Variants in KANTR observed in about 807,000 individuals in gnomAD.
The protein encoded by KANTR is KDM5C adjacent transcript.
downstream of KANTR, among the ~76,000 whole-genome samples, chrX:53,129,235 T>TGTGTGTGTGTG (rs1933330092): frequency 2.6e-4 from 22 of 83,360 alleles, no homozygotes; most frequent in East Asian, 5.0e-3. Flanking sequence ...GCCTGGCTAT[T>TGTGTGTGTGTG]TGTGTGTGTG....
intron 2 of KANTR, among the ~76,000 whole-genome samples, chrX:53,112,691 A>G (rs1556813972): frequency 9.1e-6 from 1 of 110,237 alleles, no homozygotes; most frequent in African/African-American, 3.3e-5. Context: ...TGACAGTTTG[A>G]TTCTATGTTT....
At position 53,116,824 on chromosome X, in the gene KANTR, C is replaced by T. The variant is rs191056305; in HGVS notation, c.-804-6645C>T. Reference sequence around the variant, plus strand: ...GCCATTCCATCTATCTACTATTACTCCTGTCTTTGAAAAAAACTTTAAATC... The same window carrying T: ...GCCATTCCATCTATCTACTATTACTTCTGTCTTTGAAAAAAACTTTAAATC... On this transcript the variant is annotated intron_variant, in intron 2 of 2. Coordinates refer to ENST00000604062, the Ensembl canonical transcript of KANTR. Among the ~76,000 whole-genome samples, 628 of 111,641 alleles carry T rather than the reference C, an allele frequency of 5.6e-3. 2 individuals carry two copies. The highest frequency in any genetic ancestry group is 9.6e-3 in the Non-Finnish European group (509 of 53,137).
At position 53,108,861 on chromosome X, in the gene KANTR, C is replaced by T. The variant is rs1350193441; in HGVS notation, c.-805+9253C>T. 4.5e-5 allele frequency among the ~76,000 whole-genome samples: 5 copies of T among 111,179 alleles called. No homozygotes were observed. In the Admixed American group the frequency reaches 4.8e-4, roughly 11 times the overall value. On this transcript the variant is annotated intron_variant, in intron 2 of 2. Transcript: ENST00000604062. ...GACTACAGGTGCACACCACCACACC[C>T]AGCTGATTTTTAATTTTTTTGTGGA... is the stretch of plus-strand genomic sequence containing the variant.
chrX:53,130,689 A>G (rs782274715), downstream of KANTR, among the ~76,000 whole-genome samples: 1 of 112,171 alleles, frequency 8.9e-6, no homozygotes, highest in Admixed American at 9.5e-5. Flanking sequence ...TGTTACTACC[A>G]TTATTACTTT....
chrX:53,135,019 C>A (rs995466515), intron 2 of KANTR, among the ~76,000 whole-genome samples: 2 of 111,815 alleles, frequency 1.8e-5, no homozygotes, highest in Admixed American at 1.9e-4. Context: ...TTGAAAGCTC[C>A]TTCAAAAGTT....
intron 2 of KANTR, among the ~76,000 whole-genome samples, chrX:53,100,503 A>G (rs952791722): frequency 3.4e-5 from 3 of 87,827 alleles, no homozygotes; most frequent in Admixed American, 1.3e-4. Flanking sequence ...GAAAAGAAAA[A>G]AAAGAAAATC....
intron 1 of KANTR, among the ~76,000 whole-genome samples, chrX:53,095,232 C>T (rs1463960233): frequency 8.9e-6 from 1 of 111,934 alleles, no homozygotes; most frequent in African/African-American, 3.2e-5. Context: ...TAATGTTAGT[C>T]ACCACAGGAA....
intron 2 of KANTR, chrX:53,113,185 G>T (rs1423768235): frequency 1.7e-5 from 4 of 229,746 alleles, no homozygotes; most frequent in Non-Finnish European, 3.4e-5. Flanking sequence ...GGAAGATTGA[G>T]GTGCCCTTAT....
At chrX:53,138,737 T>C (rs1284298319) in intron 2 of KANTR, among the ~76,000 whole-genome samples, 2 of 108,735 alleles carry the variant, frequency 1.8e-5, no homozygotes, top group Non-Finnish European at 3.8e-5. Flanking sequence ...AAACAATGTG[T>C]CATTGGCACA....
At chrX:53,147,135 A>T (rs1050784407), downstream of KANTR, among the ~76,000 whole-genome samples, 2 of 111,961 alleles carry the variant, frequency 1.8e-5, no homozygotes, top group African/African-American at 6.5e-5. Context: ...CTTAAATGTA[A>T]CTGGGCTAAA....
chrX:53,105,021 A>AC (rs1932930986), intron 2 of KANTR, among the ~76,000 whole-genome samples: 1 of 110,455 alleles, frequency 9.1e-6, no homozygotes, highest in Non-Finnish European at 1.9e-5. Flanking sequence ...AGTGGCTGGG[A>AC]CCATGGGCAT....
At chrX:53,110,870 C>T (rs1256710778) in intron 2 of KANTR, among the ~76,000 whole-genome samples, 1 of 108,048 alleles carries the variant, frequency 9.3e-6, no homozygotes, top group African/African-American at 3.4e-5. Context: ...TTGCAATGAG[C>T]CGAGATTGCG....
At chrX:53,103,081 T>G (rs1932908992) in intron 2 of KANTR, among the ~76,000 whole-genome samples, 2 of 105,217 alleles carry the variant, frequency 1.9e-5, no homozygotes, top group Admixed American at 1.0e-4. Context: ...GCCTCCTGGG[T>G]TCAAGTGATT....
At chrX:53,103,940 C>G (rs782663987) in intron 2 of KANTR, among the ~76,000 whole-genome samples, 6 of 111,591 alleles carry the variant, frequency 5.4e-5, no homozygotes, top group Non-Finnish European at 1.1e-4. Flanking sequence ...TCCCCTCTCT[C>G]TACAAGATCA....
chrX:53,117,300 AC>A (rs1326469179), intron 2 of KANTR, among the ~76,000 whole-genome samples: 2 of 111,101 alleles, frequency 1.8e-5, no homozygotes, highest in Non-Finnish European at 3.8e-5. Flanking sequence ...AAACAAAAAA[AC>A]AATATATACA....
At chrX:53,119,317 A>G (rs1933181561) in intron 2 of KANTR, among the ~76,000 whole-genome samples, 1 of 111,439 alleles carries the variant, frequency 9.0e-6, no homozygotes, top group Non-Finnish European at 1.9e-5. Context: ...TCTTTTCTGT[A>G]TTATAGCCAG....
At chrX:53,117,395 C>G (rs1424879270) in intron 2 of KANTR, among the ~76,000 whole-genome samples, 1 of 110,846 alleles carries the variant, frequency 9.0e-6, no homozygotes, top group Admixed American at 9.7e-5. Flanking sequence ...TATCATCTAC[C>G]TGTGTGTCAT....
At chrX:53,130,502 A>G (rs1002085153), downstream of KANTR, among the ~76,000 whole-genome samples, 3 of 112,147 alleles carry the variant, frequency 2.7e-5, no homozygotes, top group Non-Finnish European at 3.8e-5. Flanking sequence ...CTGTTTTAGA[A>G]TTTGTCTAGC....
At chrX:53,138,849 A>C (rs1170476617) in intron 2 of KANTR, among the ~76,000 whole-genome samples, 1 of 111,462 alleles carries the variant, frequency 9.0e-6, no homozygotes, top group Non-Finnish European at 1.9e-5. Context: ...TGCTTAGTTA[A>C]AGGTGTTGAG....
Sources: gnomAD v4.1 joint callset for allele counts (sites outside exome capture counted in the v4.1 genomes callset) on GRCh38, gnomAD v4.1.1 for gene constraint, MANE v1.5 for transcripts, NCBI Gene and HGNC (gene_info 2026-07-23, HGNC 2026-07-21) for gene names.